The following NAALADL2 variants were observed in gnomAD, a reference collection of about 807,000 sequenced individuals.
NAALADL2 encodes the protein inactive N-acetylated-alpha-linked acidic dipeptidase-like protein 2.
NAALADL2 carries 76 observed loss-of-function variants against 87.2 expected under a neutral mutation model. The ratio of observed to expected loss-of-function variants is 0.87; its 90% CI spans 0.72 to 1.05. The LOEUF is 1.05. Among genes scored for constraint, NAALADL2 ranks in the 50% least tolerant of loss-of-function variants. NAALADL2 has a pLI of 0.00. For missense variants in NAALADL2, 1,089 were observed against 945.8 expected, an observed-to-expected ratio of 1.15 and a Z score of -1.99; for synonymous variants, 354 against 331.0, an observed-to-expected ratio of 1.07 and a Z score of -0.75.
At chr3:174,942,177 C>G (rs1446939841) in intron 1 of NAALADL2, among the ~76,000 whole-genome samples, 1 of 151,974 alleles carries the variant, frequency 6.6e-6, no homozygotes, top group East Asian at 1.9e-4. Flanking sequence ...TAGTAGTCTT[C>G]CTTTCTATAT....
chr3:175,046,313 G>C (rs1172336880), intron 1 of NAALADL2, among the ~76,000 whole-genome samples: 3 of 152,138 alleles, frequency 2.0e-5, no homozygotes, highest in Non-Finnish European at 2.9e-5. Context: ...ATGCAATGCT[G>C]TTGGTCTTTG....
intron 11 of NAALADL2, among the ~76,000 whole-genome samples, chr3:175,681,465 A>G (rs1172530319): frequency 6.6e-6 from 1 of 152,206 alleles, no homozygotes; most frequent in Non-Finnish European, 1.5e-5. Context: ...TGACTGTTTT[A>G]AAACCACATA....
At chr3:175,700,166 G>T (rs1179362081) in intron 11 of NAALADL2, among the ~76,000 whole-genome samples, 2 of 152,096 alleles carry the variant, frequency 1.3e-5, no homozygotes, top group African/African-American at 2.4e-5. Flanking sequence ...TTATACATTG[G>T]ATTGTGTTTA....
chr3:174,830,674 T>C (rs1452423625), intron 3 of NAALADL2, among the ~76,000 whole-genome samples: 1 of 152,188 alleles, frequency 6.6e-6, no homozygotes, highest in Non-Finnish European at 1.5e-5. Context: ...GGGGATGGCA[T>C]TGAATCTGTA....
chr3:175,702,368 T>A (rs1739111342), intron 11 of NAALADL2, among the ~76,000 whole-genome samples: 1 of 152,106 alleles, frequency 6.6e-6, no homozygotes, highest in African/African-American at 2.4e-5. Context: ...CAAAAGTAAG[T>A]TCTCCTAAAA....
At chr3:175,772,064 TG>T (rs1469045475) in intron 13 of NAALADL2, among the ~76,000 whole-genome samples, 5 of 152,214 alleles carry the variant, frequency 3.3e-5, no homozygotes, top group African/African-American at 4.8e-5. Context: ...AAGATTTGGG[TG>T]GGGACACAGC....
chr3:175,162,550 A>G (rs1241051169), intron 2 of NAALADL2, among the ~76,000 whole-genome samples: 4 of 152,096 alleles, frequency 2.6e-5, no homozygotes, highest in Non-Finnish European at 4.4e-5. Flanking sequence ...GTACATAGCT[A>G]ATACAAATTA....
intron 3 of NAALADL2, among the ~76,000 whole-genome samples, chr3:174,774,728 A>C (rs1363268492): frequency 6.6e-6 from 1 of 152,228 alleles, no homozygotes; most frequent in African/African-American, 2.4e-5. Flanking sequence ...GTACATACTT[A>C]CATACACACC....
chr3:175,090,022 A>G (rs924681931), intron 1 of NAALADL2, among the ~76,000 whole-genome samples: 1 of 152,118 alleles, frequency 6.6e-6, no homozygotes, highest in Non-Finnish European at 1.5e-5. Context: ...TTTCTAGTGT[A>G]AGCCACTTCC....
At chr3:174,772,398 T>C (rs576844344) in intron 3 of NAALADL2, among the ~76,000 whole-genome samples, 1 of 152,256 alleles carries the variant, frequency 6.6e-6, no homozygotes, top group East Asian at 1.9e-4. Flanking sequence ...TTAATTGGTG[T>C]GCAGATTTCA....
chr3:174,517,652 A>ATTTTTTTTTT, intron 1 of NAALADL2, among the ~76,000 whole-genome samples: 1 of 152,008 alleles, frequency 6.6e-6, no homozygotes. Flanking sequence ...TGGAGAGAAG[A>ATTTTTTTTTT]GATTTGAGTT....
At chr3:174,589,085 C>T (rs1455837831) in intron 2 of NAALADL2, among the ~76,000 whole-genome samples, 1 of 152,166 alleles carries the variant, frequency 6.6e-6, no homozygotes, top group Non-Finnish European at 1.5e-5. Flanking sequence ...GGCGGACACC[C>T]CTCCCCCAGC....
At chr3:175,297,801 T>C (rs1756566896) in intron 4 of NAALADL2, among the ~76,000 whole-genome samples, 3 of 152,278 alleles carry the variant, frequency 2.0e-5, no homozygotes, top group African/African-American at 7.2e-5. Context: ...ACAATGTAGG[T>C]TGGAATAAGT....
intron 2 of NAALADL2, among the ~76,000 whole-genome samples, chr3:174,552,847 C>T (rs1377322208): frequency 6.7e-6 from 1 of 150,076 alleles, no homozygotes; most frequent in Non-Finnish European, 1.5e-5. Flanking sequence ...GGAGTTAGCA[C>T]CGAATAATTC....
chr3:174,884,945 A>G (rs376024241), intron 1 of NAALADL2, among the ~76,000 whole-genome samples: 21 of 152,202 alleles, frequency 1.4e-4, no homozygotes, highest in African/African-American at 5.1e-4. Context: ...AAACTGCCTC[A>G]GGGGAGGCCA....
intron 3 of NAALADL2, among the ~76,000 whole-genome samples, chr3:174,767,659 G>A (rs1713998980): frequency 6.6e-6 from 1 of 152,194 alleles, no homozygotes; most frequent in Non-Finnish European, 1.5e-5. Context: ...AAGAGACAGT[G>A]CCTGATATTG....
At chr3:174,871,580 T>A (rs1039934564) in intron 1 of NAALADL2, among the ~76,000 whole-genome samples, 2 of 152,198 alleles carry the variant, frequency 1.3e-5, no homozygotes, top group African/African-American at 4.8e-5. Flanking sequence ...TGCTGAACAC[T>A]AGAAACATAC....
chr3:175,259,777 C>T (rs538022973), intron 4 of NAALADL2, among the ~76,000 whole-genome samples: 7 of 152,290 alleles, frequency 4.6e-5, no homozygotes, highest in Middle Eastern at 3.4e-3. Context: ...GTCATGGTGG[C>T]TCACACCTGT....
intron 5 of NAALADL2, among the ~76,000 whole-genome samples, chr3:175,359,592 G>A (rs1764755703): frequency 6.6e-6 from 1 of 151,870 alleles, no homozygotes; most frequent in African/African-American, 2.4e-5. Flanking sequence ...CAAACTATGT[G>A]CCTTTAATTT....
Sources: allele counts gnomAD v4.1 joint callset (sites outside exome capture counted in the v4.1 genomes callset), GRCh38; gene constraint gnomAD v4.1.1; transcripts MANE v1.5; gene names NCBI Gene and HGNC (gene_info 2026-07-23, HGNC 2026-07-21).